PRKCA: variants seen among roughly 807,000 people sequenced by gnomAD.
PRKCA encodes protein kinase C alpha, also known as protein kinase C alpha type.
In PRKCA, 27 loss-of-function variants were observed where a neutral mutation model predicts 87.0. The observed-to-expected ratio is 0.31, with a 90% CI of 0.23 to 0.43. The LOEUF (loss-of-function observed/expected upper bound fraction) is 0.43. PRKCA is among the 20% of genes least tolerant of loss of function. The probability of loss-of-function intolerance (pLI) is 1.00; values close to 1 mark genes in which losing one functional copy is unlikely to be tolerated. For synonymous variants in PRKCA, 329 were observed against 311.1 expected, an observed-to-expected ratio of 1.06 and a Z score of -0.61; for missense variants, 518 against 852.3, an observed-to-expected ratio of 0.61 and a Z score of 4.88.
intron 2 of PRKCA, among the ~76,000 whole-genome samples, chr17:66,353,093 G>A (rs732191): frequency 0.54 from 81,988 of 151,600 alleles, 23,496 homozygotes; most frequent in Non-Finnish European, 0.65. Flanking sequence ...TTTATGCCAT[G>A]CACTCCAGAG....
chr17:66,383,893 T>A (rs965883183), intron 2 of PRKCA, among the ~76,000 whole-genome samples: 13 of 151,754 alleles, frequency 8.6e-5, no homozygotes, highest in African/African-American at 2.7e-4. Flanking sequence ...GAGGTTGTAG[T>A]GAGCCGAGAT....
chr17:66,517,515 C>T (rs1284515714), intron 3 of PRKCA, among the ~76,000 whole-genome samples: 1 of 152,150 alleles, frequency 6.6e-6, no homozygotes, highest in Non-Finnish European at 1.5e-5. Context: ...CGTCCCTGTC[C>T]TCAGTGCTTA....
intron 3 of PRKCA, among the ~76,000 whole-genome samples, chr17:66,517,505 C>T (rs557280184): frequency 1.3e-5 from 2 of 152,252 alleles, no homozygotes; most frequent in African/African-American, 2.4e-5. Context: ...TTCATCTCCC[C>T]GTCCCTGTCC....
Position 66,716,253 on chromosome 17 carries a change from C to G in PRKCA, c.919-16435C>G, listed in dbSNP as rs187678959. 3.3e-5 allele frequency among the ~76,000 whole-genome samples: 5 copies of G among 152,108 alleles called. No homozygotes were observed. The East Asian group carries it at 5.8e-4, about 18-fold the overall frequency. ...ATGATGTTTCTGAGTTCATGTGATT[C>G]TTGACCCTGCCACAGCCAACCCATA... On this transcript the variant is annotated intron_variant, in intron 8 of 16. Coordinates refer to ENST00000413366, the MANE Select transcript of PRKCA (RefSeq NM_002737.3).
intron 14 of PRKCA, among the ~76,000 whole-genome samples, chr17:66,778,760 G>A (rs1020156363): frequency 2.6e-5 from 4 of 151,040 alleles, no homozygotes; most frequent in Admixed American, 6.6e-5. Flanking sequence ...AGGATTGATC[G>A]AGCCCGGGGG....
Position 66,695,026 on chromosome 17 carries a change from G to A in PRKCA, c.918+5979G>A, listed in dbSNP as rs561102155. On this transcript the variant is annotated intron_variant, in intron 8 of 16. Transcript: ENST00000413366. ...GGGGAAGGGGAAAGGTGAGGGGAAG[G>A]GAGTTCTGGGACCAGTTTCTAGGCC... Among the ~76,000 whole-genome samples, 91 of 152,268 alleles carry A rather than the reference G, an allele frequency of 6.0e-4. 1 individual carries two copies. The South Asian group carries it at 0.017, about 29-fold the overall frequency.
intron 2 of PRKCA, among the ~76,000 whole-genome samples, chr17:66,490,289 G>A (rs540091974): frequency 6.6e-6 from 1 of 151,538 alleles, no homozygotes; most frequent in South Asian, 2.1e-4. Context: ...CATGTCAGTG[G>A]CATTAAGTAC....
intron 3 of PRKCA, among the ~76,000 whole-genome samples, chr17:66,576,594 G>A (rs1043497355): frequency 2.0e-5 from 3 of 152,168 alleles, no homozygotes; most frequent in Non-Finnish European, 1.5e-5. Flanking sequence ...CATTTCTGCT[G>A]TTCGCAGGAC....
chr17:66,356,108 A>G lies in PRKCA; in HGVS notation c.205+49981A>G, dbSNP rs565473363. ...GAGGTGGGGTTTTGCCATGTTGGCC[A>G]AGCTGGTCTCAAACTCCTGATCTCA... On this transcript the variant is annotated intron_variant, in intron 2 of 16. Coordinates refer to ENST00000413366, the MANE Select transcript of PRKCA (RefSeq NM_002737.3). 2.0e-5 allele frequency among the ~76,000 whole-genome samples: 3 copies of G among 152,188 alleles called. No individual in the cohort carries two copies. The East Asian group carries it at 5.9e-4, about 30-fold the overall frequency.
At chr17:66,677,570 A>G (rs1049207822) in intron 5 of PRKCA, among the ~76,000 whole-genome samples, 1 of 152,218 alleles carries the variant, frequency 6.6e-6, no homozygotes, top group Non-Finnish European at 1.5e-5. Context: ...CTAATAGGTG[A>G]ACCTGAATGC....
intron 2 of PRKCA, chr17:66,339,794 C>T (rs1356500717): frequency 6.6e-6 from 1 of 152,134 alleles, no homozygotes; most frequent in Admixed American, 6.6e-5. Context: ...CTTCCAGTTG[C>T]CGAGCAAACA....
chr17:66,806,071 G>A lies in PRKCA; in HGVS notation c.*2034G>A, dbSNP rs7342969. On this transcript the variant is annotated 3_prime_UTR_variant, in exon 17 of 17. Coordinates refer to ENST00000413366, the MANE Select transcript of PRKCA (RefSeq NM_002737.3). ...TGGCCTTTCCAGTCTTGGGAGGAGC[G>A]CGCTGCTTTGGTGAGACACCCCCAT... The A allele has an allele frequency of 0.63, 96,454 of 152,242 alleles. 32,783 individuals carry two copies. Among genetic ancestry groups the A allele is most frequent in the East Asian group, 0.91 (4,679 of 5,162 alleles). The allele number at this position is 152,242 out of a possible 1,614,324, so 9.4% of individuals were successfully genotyped here.
intron 2 of PRKCA, among the ~76,000 whole-genome samples, chr17:66,392,621 G>C (rs1255717781): frequency 2.6e-5 from 4 of 152,064 alleles, no homozygotes; most frequent in Non-Finnish European, 5.9e-5. Context: ...TGTGCAGAGG[G>C]GCCGTGTAGA....
At position 66,808,239 on chromosome 17, in the gene PRKCA, CAACT is replaced by C. The variant is rs1270625663; in HGVS notation, c.*4206_*4209del. 2 of 151,396 alleles carry C rather than the reference CAACT, an allele frequency of 1.3e-5. No individual in the cohort carries two copies. The highest frequency in any genetic ancestry group is 1.3e-4 in the Admixed American group (2 of 15,202). 9.4% of individuals were successfully genotyped at this position (151,396 alleles called of 1,614,324 possible). On this transcript the variant is annotated 3_prime_UTR_variant, in exon 17 of 17. Coordinates refer to ENST00000413366, the MANE Select transcript of PRKCA (RefSeq NM_002737.3). ...AGAAGTAAAAACAACTAACACCGCA[CAACT>C]AACAACTAACACCGCAGTTCCCACC...
At chr17:66,771,194 G>A (rs918314340) in intron 13 of PRKCA, among the ~76,000 whole-genome samples, 4 of 151,966 alleles carry the variant, frequency 2.6e-5, no homozygotes, top group African/African-American at 4.8e-5. Context: ...TAGTAGAAAC[G>A]GGGTTTCACC....
intron 3 of PRKCA, among the ~76,000 whole-genome samples, chr17:66,570,897 A>G (rs1969061689): frequency 6.6e-6 from 1 of 152,154 alleles, no homozygotes. Flanking sequence ...TCACTCAGCC[A>G]TCCTCCGTGG....
intron 2 of PRKCA, among the ~76,000 whole-genome samples, chr17:66,378,293 G>C (rs1909586359): frequency 6.6e-6 from 1 of 152,146 alleles, no homozygotes; most frequent in South Asian, 2.1e-4. Context: ...CAGCCTGGGC[G>C]ACAGAGCGAG....
At chr17:66,394,689 G>A (rs906398781) in intron 2 of PRKCA, among the ~76,000 whole-genome samples, 9 of 152,146 alleles carry the variant, frequency 5.9e-5, no homozygotes, top group African/African-American at 2.2e-4. Context: ...TAATCCCTAT[G>A]TATCAAGGGA....
At chr17:66,351,112 C>T (rs2018360671) in intron 2 of PRKCA, among the ~76,000 whole-genome samples, 1 of 152,214 alleles carries the variant, frequency 6.6e-6, no homozygotes, top group African/African-American at 2.4e-5. Flanking sequence ...CAGTATTCCC[C>T]ATCGTGTGGT....
Sources: allele counts gnomAD v4.1 joint callset (sites outside exome capture counted in the v4.1 genomes callset), GRCh38; gene constraint gnomAD v4.1.1; transcripts MANE v1.5; gene names NCBI Gene and HGNC (gene_info 2026-07-23, HGNC 2026-07-21).